IFT56: variants seen among roughly 807,000 people sequenced by gnomAD.
The protein encoded by IFT56 is intraflagellar transport 56.
At chr7:139,139,629 A>G in the IFT56 span, among the ~76,000 whole-genome samples, 1 of 152,302 alleles carries the variant, frequency 6.6e-6, no homozygotes, top group East Asian at 1.9e-4. Context: ...TTTTGTTTCT[A>G]TTGTTTGTTA....
At chr7:139,187,482 G>C in the IFT56 span, 1 of 1,614,180 alleles carries the variant, frequency 6.2e-7, no homozygotes, top group East Asian at 2.2e-5. Flanking sequence ...TATTGGGAAG[G>C]CAAACGGGGT....
the IFT56 span, among the ~76,000 whole-genome samples, chr7:139,158,323 A>AAAAAAAAAAAAAAAC: frequency 6.6e-6 from 1 of 151,560 alleles, no homozygotes; most frequent in African/African-American, 2.4e-5. Context: ...CAAAAAAAAA[A>AAAAAAAAAAAAAAAC]AACCAACAAA....
the IFT56 span, chr7:139,174,167 T>C: frequency 1.7e-6 from 1 of 592,922 alleles, no homozygotes; most frequent in Non-Finnish European, 3.3e-6. Flanking sequence ...TGATCTTCAG[T>C]TGCCCACTTA....
At chr7:139,146,440 A>G in the IFT56 span, among the ~76,000 whole-genome samples, 1 of 152,200 alleles carries the variant, frequency 6.6e-6, no homozygotes, top group African/African-American at 2.4e-5. Context: ...ATACATTTTG[A>G]TTCCCTATTG....
chr7:139,181,111 A>G, the IFT56 span: 2 of 1,608,452 alleles, frequency 1.2e-6, no homozygotes, highest in African/African-American at 1.3e-5. Context: ...ATAAGAAACC[A>G]AGACTAGCCT....
At chr7:139,157,266 C>A in the IFT56 span, among the ~76,000 whole-genome samples, 1 of 149,754 alleles carries the variant, frequency 6.7e-6, no homozygotes, top group South Asian at 2.1e-4. Flanking sequence ...CCTGCCTCAG[C>A]CTCCTGAGTA....
At chr7:139,161,254 T>C in the IFT56 span, 3 of 433,230 alleles carry the variant, frequency 6.9e-6, no homozygotes, top group Admixed American at 4.2e-5. Flanking sequence ...CACAAGGCAG[T>C]GTAGATCCAG....
At chr7:139,158,325 A>C in the IFT56 span, among the ~76,000 whole-genome samples, 4 of 150,546 alleles carry the variant, frequency 2.7e-5, no homozygotes, top group Non-Finnish European at 4.4e-5. Context: ...AAAAAAAAAA[A>C]CCAACAAAGT....
chr7:139,181,158 C>T, the IFT56 span: 1 of 1,613,246 alleles, frequency 6.2e-7, no homozygotes. Flanking sequence ...TCCGGCGAGT[C>T]CTTCAGTCTC....
the IFT56 span, chr7:139,190,282 G>T: frequency 6.6e-6 from 1 of 152,370 alleles, no homozygotes; most frequent in Non-Finnish European, 1.5e-5. Flanking sequence ...GTCTCGCTCT[G>T]TCGCCCAGGC....
chr7:139,142,124 T>C, the IFT56 span: 17 of 903,388 alleles, frequency 1.9e-5, no homozygotes, highest in Non-Finnish European at 3.0e-5. Flanking sequence ...TCAAACAATA[T>C]GTATTCTAGC....
the IFT56 span, among the ~76,000 whole-genome samples, chr7:139,176,928 C>T: frequency 1.3e-5 from 2 of 151,980 alleles, no homozygotes; most frequent in African/African-American, 4.8e-5. Flanking sequence ...AATCCCAGCA[C>T]TTTGGGAGGC....
At chr7:139,180,103 C>T in the IFT56 span, among the ~76,000 whole-genome samples, 2 of 148,898 alleles carry the variant, frequency 1.3e-5, no homozygotes, top group Admixed American at 6.7e-5. Context: ...TTTGGGAGGC[C>T]AAGGCGGGTG....
At chr7:139,174,542 T>C in the IFT56 span, among the ~76,000 whole-genome samples, 1 of 151,938 alleles carries the variant, frequency 6.6e-6, no homozygotes, top group Non-Finnish European at 1.5e-5. Flanking sequence ...TGAAAAAAGC[T>C]TCTGCACAGC....
the IFT56 span, among the ~76,000 whole-genome samples, chr7:139,157,495 ATT>A: frequency 3.3e-4 from 27 of 82,404 alleles, no homozygotes; most frequent in African/African-American, 4.6e-4. Flanking sequence ...TTTGTATTGG[ATT>A]TTTTTTTTTT....
At chr7:139,187,636 T>C in the IFT56 span, 3 of 1,427,328 alleles carry the variant, frequency 2.1e-6, no homozygotes, top group Non-Finnish European at 2.9e-6. Flanking sequence ...AAACACATGA[T>C]TATAATGATG....
chr7:139,136,955 A>G, the IFT56 span, among the ~76,000 whole-genome samples: 12 of 152,334 alleles, frequency 7.9e-5, no homozygotes, highest in African/African-American at 2.9e-4. Context: ...AATTCATAGC[A>G]TTTGGTATGA....
chr7:139,165,041 A>C, the IFT56 span: 1 of 948,744 alleles, frequency 1.1e-6, no homozygotes. Context: ...GAATATCATG[A>C]ACCCAGTTAT....
At chr7:139,155,310 G>T in the IFT56 span, among the ~76,000 whole-genome samples, 8 of 151,952 alleles carry the variant, frequency 5.3e-5, no homozygotes, top group Non-Finnish European at 1.5e-5. Flanking sequence ...CCTTTTTCTT[G>T]TCTAACTGCC....
Sources: allele counts gnomAD v4.1 joint callset (sites outside exome capture counted in the v4.1 genomes callset), GRCh38; gene constraint gnomAD v4.1.1; transcripts MANE v1.5; gene names NCBI Gene and HGNC (gene_info 2026-07-23, HGNC 2026-07-21).